The following BFAR variants were observed in gnomAD, a reference collection of about 807,000 sequenced individuals.
The protein encoded by BFAR is bifunctional apoptosis regulator.
A neutral mutation model predicts 54.4 loss-of-function variants in BFAR; 52 were observed. That is an observed-to-expected ratio of 0.96 (90% confidence interval 0.77 to 1.21). The LOEUF (loss-of-function observed/expected upper bound fraction) is 1.21. Among genes scored for constraint, BFAR ranks in the 50% most tolerant of loss-of-function variants. The pLI is 0.00. For missense variants in BFAR, 571 were observed against 534.0 expected, an observed-to-expected ratio of 1.07 and a Z score of -0.68; for synonymous variants, 215 against 204.3, an observed-to-expected ratio of 1.05 and a Z score of -0.45.
chr16:14,651,769 C>T (rs1036817050), intron 4 of BFAR, among the ~76,000 whole-genome samples: 16 of 151,972 alleles, frequency 1.1e-4, no homozygotes, highest in African/African-American at 2.9e-4. Flanking sequence ...CATGAGCCCC[C>T]GCACCCTCCT....
intron 4 of BFAR, among the ~76,000 whole-genome samples, chr16:14,652,078 G>C (rs1959985389): frequency 6.6e-6 from 1 of 151,388 alleles, no homozygotes; most frequent in African/African-American, 2.4e-5. Context: ...GTAGAGATGG[G>C]GTTTTACCAT....
At chr16:14,656,974 A>G (rs1239598482) in intron 5 of BFAR, among the ~76,000 whole-genome samples, 3 of 151,898 alleles carry the variant, frequency 2.0e-5, no homozygotes, top group African/African-American at 4.8e-5. Flanking sequence ...GTGGTGGTGC[A>G]TGCCTATAAT....
intron 7 of BFAR, 67 bp from the exon 8 acceptor site, chr16:14,667,568 G>A: frequency 6.9e-7 from 1 of 1,453,482 alleles, no homozygotes; most frequent in Non-Finnish European, 9.4e-7. Flanking sequence ...AAAAGGCCCA[G>A]GGCCCGGACT....
chr16:14,641,934 G>C (rs1190237088), intron 1 of BFAR, among the ~76,000 whole-genome samples: 4 of 152,198 alleles, frequency 2.6e-5, no homozygotes, highest in Non-Finnish European at 5.9e-5. Flanking sequence ...CTCTGTACTA[G>C]GCACTTGACT....
intron 4 of BFAR, among the ~76,000 whole-genome samples, chr16:14,653,790 C>T (rs184585616): frequency 0.01 from 1,534 of 152,218 alleles, 18 homozygotes; most frequent in Non-Finnish European, 0.016. Context: ...TCACTACAGC[C>T]TCAAAGTCCT....
intron 7 of BFAR, among the ~76,000 whole-genome samples, chr16:14,665,570 G>A (rs1960419518): frequency 6.6e-6 from 1 of 152,140 alleles, no homozygotes; most frequent in Admixed American, 6.5e-5. Context: ...CAGACTCAGG[G>A]CTTGTATACA....
rs778787522 is a variant in BFAR at position 14,665,072 on chromosome 16, G to A, written c.1160+1G>A. 7 of 1,607,690 alleles carry A rather than the reference G, an allele frequency of 4.4e-6. No individual in the cohort carries two copies. The South Asian group carries it at 4.4e-5, about 10-fold the overall frequency. Reference sequence around the variant, plus strand: ...GAATCTGGTCGAGAAGTGAACTGAAGTAAGTATGTTTTAATGGTTGTCACA... The same window carrying A: ...GAATCTGGTCGAGAAGTGAACTGAAATAAGTATGTTTTAATGGTTGTCACA... On this transcript the variant is annotated splice_donor_variant, in intron 7 of 7. Transcript: ENST00000261658. LOFTEE classifies it high-confidence loss of function.
rs773579603 is a variant in BFAR, at chr16:14,644,404, C to G, written c.58C>G (p.Leu20Val). Residue 20 changes from leucine (L) to valine (V), a missense_variant, in exon 2 of 8, where the codon CTC (leucine) becomes GTC (valine). Coordinates refer to ENST00000261658, the MANE Select transcript of BFAR (RefSeq NM_016561.3). ...NTMDLERDEPLKSTGPQISVS... is the reference protein window; with the variant it reads ...NTMDLERDEPVKSTGPQISVS... ...AATGGACCTTGAGAGAGATGAACCT[C>G]TCAAAAGCACCGGCCCTCAGATTTC... 1 of 1,613,966 alleles carries G rather than the reference C, an allele frequency of 6.2e-7. No homozygotes were observed. Among genetic ancestry groups the G allele is most frequent in the Non-Finnish European group, 8.5e-7 (1 of 1,179,904 alleles).
intron 6 of BFAR, among the ~76,000 whole-genome samples, chr16:14,662,930 A>G (rs1336466543): frequency 6.6e-6 from 1 of 152,070 alleles, no homozygotes; most frequent in African/African-American, 2.4e-5. Context: ...AGTCCACATG[A>G]GAGGGTCGTG....
chr16:14,666,438 G>T (rs1287757846), intron 7 of BFAR, among the ~76,000 whole-genome samples: 5 of 152,198 alleles, frequency 3.3e-5, no homozygotes, highest in African/African-American at 1.2e-4. Flanking sequence ...AGGCGTGGCG[G>T]TGGGTGCCTG....
chr16:14,652,470 G>A (rs1365454898), intron 4 of BFAR, among the ~76,000 whole-genome samples: 1 of 151,320 alleles, frequency 6.6e-6, no homozygotes, highest in Admixed American at 6.6e-5. Flanking sequence ...TAGTAGAGAT[G>A]GGGTTTCGCC....
chr16:14,644,528 G>A lies in BFAR; in HGVS notation c.182G>A (p.Trp61Ter), dbSNP rs984558588. ...TTCTGCCGTCACTGCCTTGCTTTAT[G>A]GTGGGCATCTTCAAAGAAAACAGAA... ...HSFCRHCLAL[W>*]WASSKKTECP... The change falls in exon 2 of 8, where the codon TGG becomes TAG. Residue 61 changes from tryptophan (W) to a stop codon, truncating the protein, a stop_gained. Coordinates refer to ENST00000261658, the MANE Select transcript of BFAR (RefSeq NM_016561.3). LOFTEE classifies it high-confidence loss of function. 1.2e-6 allele frequency: 2 copies of A among 1,613,904 alleles called. No homozygotes were observed. The highest frequency in any genetic ancestry group is 1.3e-5 in the African/African-American group (1 of 74,884).
chr16:14,644,612 A>G lies in BFAR; in HGVS notation c.263+3A>G. The G allele has an allele frequency of 1.9e-6, 3 of 1,611,620 alleles. No homozygotes were observed. The highest frequency in any genetic ancestry group is 1.3e-5 in the African/African-American group (1 of 74,948). The stretch of plus-strand genomic sequence containing the variant: ...CCCAAAGTCAGTATTCTCCTCAGGT[A>G]ATGTTCAGCCTATATTGGTAGCACA... On this transcript the variant is annotated splice_donor_region_variant and intron_variant, in intron 2 of 7. Coordinates refer to ENST00000261658, the MANE Select transcript of BFAR (RefSeq NM_016561.3).
At chr16:14,641,701 A>G (rs1388057839) in intron 1 of BFAR, among the ~76,000 whole-genome samples, 4 of 152,072 alleles carry the variant, frequency 2.6e-5, no homozygotes, top group Admixed American at 2.0e-4. Context: ...CATCTCGACT[A>G]AAAATACAAA....
At chr16:14,651,608 T>A (rs1321432647) in intron 4 of BFAR, among the ~76,000 whole-genome samples, 1 of 152,114 alleles carries the variant, frequency 6.6e-6, no homozygotes, top group East Asian at 1.9e-4. Flanking sequence ...GCCTCCCAAG[T>A]AGCTGGGACT....
In BFAR at chr16:14,662,083, C is replaced by A. The variant is rs1447041944; in HGVS notation, c.957+18C>A. On this transcript the variant is annotated intron_variant, in intron 6 of 7. Coordinates refer to ENST00000261658, the MANE Select transcript of BFAR (RefSeq NM_016561.3). ...AGCTTCTGGTAGGTCTGCACAGTGC[C>A]TGGAATAAAGTTATTCCACTGTCAA... 3 of 1,613,544 alleles carry A rather than the reference C, an allele frequency of 1.9e-6. No homozygotes were observed. The highest frequency in any genetic ancestry group is 1.7e-5 in the Admixed American group (1 of 59,976).
intron 1 of BFAR, among the ~76,000 whole-genome samples, chr16:14,635,752 T>C (rs891679027): frequency 4.0e-5 from 6 of 151,886 alleles, no homozygotes; most frequent in African/African-American, 1.2e-4. Flanking sequence ...CTGGAAATGC[T>C]TCTCTCTCTT....
intron 4 of BFAR, among the ~76,000 whole-genome samples, chr16:14,653,411 T>C (rs1393893680): frequency 1.3e-5 from 2 of 152,140 alleles, no homozygotes. Flanking sequence ...CACTGCAACC[T>C]TCACCTCCTG....
rs775767214 is a variant in BFAR, at chr16:14,668,068, C to G, written c.*241C>G. 7.6e-6 allele frequency: 4 copies of G among 529,228 alleles called. No homozygotes were observed. In the South Asian group the frequency reaches 1.2e-4, roughly 16 times the overall value. 32.8% of individuals were successfully genotyped at this position (529,228 alleles called of 1,614,324 possible). ...GCTGACACAGCAGCAGCCCTTCCCA[C>G]CCAGCCACCTTCCTCACAGGGACTA... On this transcript the variant is annotated 3_prime_UTR_variant, in exon 8 of 8. Transcript: ENST00000261658.
Sources: gnomAD v4.1 joint callset for allele counts (sites outside exome capture counted in the v4.1 genomes callset) on GRCh38, gnomAD v4.1.1 for gene constraint, MANE v1.5 for transcripts, NCBI Gene and HGNC (gene_info 2026-07-23, HGNC 2026-07-21) for gene names.